DAAM1: variants seen among roughly 807,000 people sequenced by gnomAD.
The protein encoded by DAAM1 is disheveled-associated activator of morphogenesis 1.
In DAAM1, 52 loss-of-function variants were observed where a neutral mutation model predicts 130.0. The observed-to-expected ratio is 0.40, with a 90% confidence interval of 0.32 to 0.50. DAAM1 has a LOEUF of 0.50. Ranked by LOEUF, DAAM1 falls within the 20% of genes least tolerant of loss-of-function variation. DAAM1 has a pLI of 0.61. For missense variants in DAAM1, 1,134 were observed against 1,303.8 expected (o/e 0.87, Z 2.01); for synonymous variants, 452 against 444.5 (o/e 1.02, Z -0.21).
intron 2 of DAAM1, among the ~76,000 whole-genome samples, chr14:59,280,667 T>C (rs1472151898): frequency 6.8e-6 from 1 of 146,372 alleles, no homozygotes; most frequent in Non-Finnish European, 1.5e-5. Flanking sequence ...GACGTACCAA[T>C]AACATATAGC....
At chr14:59,324,691 A>G (rs541967890) in intron 8 of DAAM1, among the ~76,000 whole-genome samples, 123 of 152,296 alleles carry the variant, frequency 8.1e-4, no homozygotes, top group Non-Finnish European at 1.3e-3. Flanking sequence ...TTCATATCCT[A>G]TCCTAGTCCT....
chr14:59,348,427 C>T (rs1039165474), intron 17 of DAAM1, among the ~76,000 whole-genome samples: 1 of 152,132 alleles, frequency 6.6e-6, no homozygotes, highest in African/African-American at 2.4e-5. Flanking sequence ...TGTCTCTGCC[C>T]CCTGCCCCTT....
chr14:59,270,173 T>C (rs1345370872), intron 2 of DAAM1, among the ~76,000 whole-genome samples: 1 of 152,186 alleles, frequency 6.6e-6, no homozygotes, highest in Admixed American at 6.5e-5. Flanking sequence ...TAGATTCTTA[T>C]CTTAATCCAT....
At chr14:59,278,137 T>C (rs1883052673) in intron 2 of DAAM1, among the ~76,000 whole-genome samples, 1 of 152,212 alleles carries the variant, frequency 6.6e-6, no homozygotes, top group Non-Finnish European at 1.5e-5. Context: ...AATATCTTAC[T>C]GTACTCACCC....
Position 59,324,214 on chromosome 14 carries a change from A to T in DAAM1, c.861A>T (p.Ala287=). 2 of 1,464,112 alleles carry T rather than the reference A, an allele frequency of 1.4e-6. No homozygotes were observed. Among genetic ancestry groups the T allele is most frequent in the Non-Finnish European group, 1.8e-6 (2 of 1,101,290 alleles). The allele number at this position is 1,464,112 out of a possible 1,614,324, so 90.7% of individuals were successfully genotyped here. ...LKTAIMSFIN[A]VLSQGAGVES... Reference sequence around the variant, plus strand: ...CTGCCATCATGTCCTTCATTAATGCAGTGCTCAGCCAAGGTGCAGGAGTGG... The same window carrying T: ...CTGCCATCATGTCCTTCATTAATGCTGTGCTCAGCCAAGGTGCAGGAGTGG... The change falls in exon 7 of 25, where the codon GCA becomes GCT. Residue 287 remains alanine, a synonymous_variant. Coordinates refer to ENST00000360909, the MANE Select transcript of DAAM1 (RefSeq NM_001270520.2).
At chr14:59,193,989 A>G (rs1362123629) in intron 1 of DAAM1, among the ~76,000 whole-genome samples, 1 of 152,242 alleles carries the variant, frequency 6.6e-6, no homozygotes, top group Non-Finnish European at 1.5e-5. Flanking sequence ...ACATAATTAT[A>G]CAAGATAGAT....
intron 17 of DAAM1, among the ~76,000 whole-genome samples, chr14:59,350,761 G>A (rs963869761): frequency 2.0e-5 from 3 of 152,054 alleles, no homozygotes; most frequent in Non-Finnish European, 4.4e-5. Flanking sequence ...TGTGAGCCAC[G>A]CAGGCCTCTC....
rs145656131 is a variant in DAAM1, at chr14:59,351,666, A to G, written c.2161-860A>G. 1.5e-3 allele frequency among the ~76,000 whole-genome samples: 229 copies of G among 152,264 alleles called. 1 individual carries two copies. The highest frequency in any genetic ancestry group is 5.3e-3 in the African/African-American group (220 of 41,552). On this transcript the variant is annotated intron_variant, in intron 17 of 24. Transcript: ENST00000360909. The stretch of plus-strand genomic sequence containing the variant: ...TTCTGAGGTCCCTCAGTTAAATCCA[A>G]CAAACATTTGAAAACCTACTAAATG...
At chr14:59,302,900 C>T (rs1258299496) in intron 3 of DAAM1, among the ~76,000 whole-genome samples, 2 of 152,134 alleles carry the variant, frequency 1.3e-5, no homozygotes, top group Non-Finnish European at 2.9e-5. Flanking sequence ...GTGATCTACC[C>T]GCCTTGGCCT....
chr14:59,289,809 G>C (rs1281278627), intron 2 of DAAM1, among the ~76,000 whole-genome samples: 1 of 116,548 alleles, frequency 8.6e-6, no homozygotes, highest in Non-Finnish European at 1.8e-5. Context: ...AATCATAAAA[G>C]GAACAAGATC....
At chr14:59,272,110 AG>A (rs10706179) in intron 2 of DAAM1, among the ~76,000 whole-genome samples, 32,520 of 152,182 alleles carry the variant, frequency 0.21, 4,230 homozygotes, top group African/African-American at 0.37. Flanking sequence ...CAAAGTATTC[AG>A]TTATCTGGAA....
At chr14:59,262,672 G>A (rs1193950748) in intron 1 of DAAM1, among the ~76,000 whole-genome samples, 1 of 150,344 alleles carries the variant, frequency 6.7e-6, no homozygotes, top group Admixed American at 6.7e-5. Flanking sequence ...GTGTGTGTGT[G>A]TGTGTGTGTG....
At chr14:59,256,174 G>A (rs1348703518) in intron 1 of DAAM1, among the ~76,000 whole-genome samples, 1 of 152,218 alleles carries the variant, frequency 6.6e-6, no homozygotes, top group Non-Finnish European at 1.5e-5. Flanking sequence ...ATTAAATACT[G>A]ATTGTGTCTT....
At chr14:59,289,882 C>G (rs1883663365) in intron 2 of DAAM1, among the ~76,000 whole-genome samples, 2 of 151,504 alleles carry the variant, frequency 1.3e-5, no homozygotes, top group South Asian at 2.1e-4. Context: ...CAGCCCAGAA[C>G]AGAAAACGAA....
intron 5 of DAAM1, among the ~76,000 whole-genome samples, chr14:59,322,406 C>T (rs181085501): frequency 7.2e-5 from 11 of 151,762 alleles, no homozygotes; most frequent in South Asian, 2.1e-4. Context: ...CCTGTAGTCC[C>T]GGCTACTTGG....
At position 59,263,680 on chromosome 14, in the gene DAAM1, C is replaced by T. The variant is rs766375260; in HGVS notation, c.183+20C>T. On this transcript the variant is annotated intron_variant, in intron 2 of 24. Transcript: ENST00000360909. Reference sequence around the variant, plus strand: ...CTGGTGGTGAGTCCCAGTTTTCTATCCTGGCATTGGTGGGGAGCCAGAGAA... The same window carrying T: ...CTGGTGGTGAGTCCCAGTTTTCTATTCTGGCATTGGTGGGGAGCCAGAGAA... 2 of 1,611,670 alleles carry T rather than the reference C, an allele frequency of 1.2e-6. No homozygotes were observed. Among genetic ancestry groups the T allele is most frequent in the Non-Finnish European group, 8.5e-7 (1 of 1,179,382 alleles).
chr14:59,261,228 A>G (rs1041933141), intron 1 of DAAM1, among the ~76,000 whole-genome samples: 2 of 152,082 alleles, frequency 1.3e-5, no homozygotes, highest in Non-Finnish European at 2.9e-5. Context: ...AACTCCACTC[A>G]TCCATCAGGG....
At chr14:59,252,346 A>T (rs1288576485) in intron 1 of DAAM1, among the ~76,000 whole-genome samples, 1 of 152,244 alleles carries the variant, frequency 6.6e-6, no homozygotes, top group Non-Finnish European at 1.5e-5. Flanking sequence ...TCAGTATTAC[A>T]AATGTCAGTG....
At chr14:59,324,882 A>G (rs146897601) in intron 8 of DAAM1, among the ~76,000 whole-genome samples, 313 of 152,330 alleles carry the variant, frequency 2.1e-3, no homozygotes, top group Admixed American at 3.3e-3. Context: ...GCATTCTGTG[A>G]ATGTTAATTT....
Sources: gnomAD v4.1 joint callset for allele counts (sites outside exome capture counted in the v4.1 genomes callset) on GRCh38, gnomAD v4.1.1 for gene constraint, MANE v1.5 for transcripts, NCBI Gene and HGNC (gene_info 2026-07-23, HGNC 2026-07-21) for gene names.